CACNA1B: variants seen among roughly 807,000 people sequenced by gnomAD.
The protein encoded by CACNA1B is calcium voltage-gated channel subunit alpha1 B.
CACNA1B carries 70 observed loss-of-function variants against 247.2 expected under a neutral mutation model. The observed-to-expected ratio is 0.28, with a 90% CI of 0.23 to 0.35. CACNA1B has a LOEUF of 0.35. Among genes scored for constraint, CACNA1B ranks in the 10% least tolerant of loss-of-function variants. The probability of loss-of-function intolerance (pLI) is 1.00; values close to 1 mark genes in which losing one functional copy is unlikely to be tolerated. For synonymous variants in CACNA1B, 1,231 were observed against 1,294.4 expected, an observed-to-expected ratio of 0.95 and a Z score of 1.05; for missense variants, 2,367 against 3,197.4, an observed-to-expected ratio of 0.74 and a Z score of 6.26.
intron 12 of CACNA1B, among the ~76,000 whole-genome samples, chr9:137,983,438 G>A (rs1407195400): frequency 6.6e-6 from 1 of 152,144 alleles, no homozygotes; most frequent in Non-Finnish European, 1.5e-5. Context: ...CCCTCACACC[G>A]GGCCCTGACC....
rs531051703 is a variant in CACNA1B, at chr9:137,936,017, C to T, written c.967-16257C>T. ...GACTACAGGCACCTGCCACCACGCC[C>T]GGCTAATTTTTGGTATTTTTTAGTA... On this transcript the variant is annotated intron_variant, in intron 6 of 46. Transcript: ENST00000371372. Among the ~76,000 whole-genome samples the T allele has an allele frequency of 4.3e-4, 66 of 152,278 alleles. 1 individual carries two copies. The highest frequency in any genetic ancestry group is 9.8e-4 in the Admixed American group (15 of 15,290).
chr9:137,986,928 C>G lies in CACNA1B; in HGVS notation c.1974+74C>G. 1 of 1,037,202 alleles carries G rather than the reference C, an allele frequency of 9.6e-7. No individual in the cohort carries two copies. Among genetic ancestry groups the G allele is most frequent in the Non-Finnish European group, 1.5e-6 (1 of 657,914 alleles). The allele number at this position is 1,037,202 out of a possible 1,614,324, so 64.2% of individuals were successfully genotyped here. A position where few individuals can be genotyped will look rare whatever the true frequency, so the allele number is the denominator to read the frequency against. On this transcript the variant is annotated intron_variant, in intron 15 of 46. Transcript: ENST00000371372. The surrounding 1 kb of genome is among the most constrained non-coding windows in gnomAD (Gnocchi z 6.0). Reference sequence around the variant, plus strand: ...CCTGGGTGCTGGGAAGGCGGACTCTCCTGTCATTCCCTCCCTTGTTCCTCC... The same window carrying G: ...CCTGGGTGCTGGGAAGGCGGACTCTGCTGTCATTCCCTCCCTTGTTCCTCC...
rs1465065319 is a variant in CACNA1B at position 138,023,362 on chromosome 9, G to A, written c.2619G>A (p.Lys873=). The A allele has an allele frequency of 1.4e-6, 2 of 1,414,614 alleles. No individual in the cohort carries two copies. Among genetic ancestry groups the A allele is most frequent in the Non-Finnish European group, 9.2e-7 (1 of 1,092,306 alleles). The allele number at this position is 1,414,614 out of a possible 1,614,324, so 87.6% of individuals were successfully genotyped here. Reference sequence around the variant, plus strand: ...ACCAGGACCGAGCAGAGGCCCCGAAGGCGGAGAGCGGGGAGCCCGGTGCCC... The same window carrying A: ...ACCAGGACCGAGCAGAGGCCCCGAAAGCGGAGAGCGGGGAGCCCGGTGCCC... The part of the protein sequence containing the change: ...AGDQDRAEAP[K]AESGEPGARE... Residue 873 remains lysine (K), a synonymous_variant, in exon 19 of 47, where the codon AAG becomes AAA. Transcript: ENST00000371372.
At chr9:137,886,256 C>T (rs1403589314) in intron 3 of CACNA1B, among the ~76,000 whole-genome samples, 1 of 151,448 alleles carries the variant, frequency 6.6e-6, no homozygotes, top group Non-Finnish European at 1.5e-5. Flanking sequence ...CCGGTTGTGT[C>T]TGACATGGGG....
chr9:137,905,829 T>C (rs1957292883), intron 3 of CACNA1B, among the ~76,000 whole-genome samples: 1 of 152,264 alleles, frequency 6.6e-6, no homozygotes, highest in African/African-American at 2.4e-5. Context: ...GCTGGTTCGC[T>C]GAAGACACTG....
chr9:138,107,723 G>T (rs193146434), intron 39 of CACNA1B, among the ~76,000 whole-genome samples: 1 of 152,216 alleles, frequency 6.6e-6, no homozygotes, highest in African/African-American at 2.4e-5. Context: ...AGTGGCTCAC[G>T]TCTGTAGTCC....
intron 6 of CACNA1B, among the ~76,000 whole-genome samples, chr9:137,949,176 CCAGTGTGTGTGTA>C (rs1306501398): frequency 0.016 from 21 of 1,292 alleles, no homozygotes; most frequent in East Asian, 0.031. Context: ...GCTTGTGTGT[CCAGTGTGTGTGTA>C]TGGTGTATGT....
chr9:137,926,449 T>G (rs534388243), intron 6 of CACNA1B, among the ~76,000 whole-genome samples: 1 of 152,348 alleles, frequency 6.6e-6, no homozygotes, highest in African/African-American at 2.4e-5. Context: ...GACCATTGGG[T>G]TGCTTCCATG....
chr9:138,000,372 A>G (rs956117803), intron 15 of CACNA1B, among the ~76,000 whole-genome samples: 3 of 152,304 alleles, frequency 2.0e-5, no homozygotes, highest in Non-Finnish European at 2.9e-5. Flanking sequence ...TGCTGGGATT[A>G]CAGACATGAG....
chr9:137,917,520 G>C lies in CACNA1B; in HGVS notation c.966+89G>C. 8.5e-7 allele frequency: 1 copy of C among 1,169,770 alleles called. No homozygotes were observed. The highest frequency in any genetic ancestry group is 1.2e-6 in the Non-Finnish European group (1 of 809,340). 72.5% of individuals were successfully genotyped at this position (1,169,770 alleles called of 1,614,324 possible). A position where few individuals can be genotyped will look rare whatever the true frequency, so the allele number is the denominator to read the frequency against. On this transcript the variant is annotated intron_variant, in intron 6 of 46. Coordinates refer to ENST00000371372, the MANE Select transcript of CACNA1B (RefSeq NM_000718.4). The surrounding 1 kb of genome is among the most constrained non-coding windows in gnomAD (Gnocchi z 5.5). ...GGGGTCCATTTAGGGGGGCCCTTCT[G>C]ACCTCAGAGCCTCTGCCCAGCCCTA...
rs1179917749 is a variant in CACNA1B, at chr9:138,114,500, G to A, written c.5649+10G>A. ...TGGAGGCCTCTCCCAGGTAGCTGGCGGCCCTCAGTTTTCCAGGAAAACTGT... is the reference window on the plus strand; with the variant it reads ...TGGAGGCCTCTCCCAGGTAGCTGGCAGCCCTCAGTTTTCCAGGAAAACTGT... On this transcript the variant is annotated intron_variant, in intron 41 of 46. Coordinates refer to ENST00000371372, the MANE Select transcript of CACNA1B (RefSeq NM_000718.4). The A allele has an allele frequency of 1.9e-5, 27 of 1,457,784 alleles. No homozygotes were observed. In the Admixed American group the frequency reaches 2.9e-4, roughly 16 times the overall value. The allele number at this position is 1,457,784 out of a possible 1,614,324, so 90.3% of individuals were successfully genotyped here.
chr9:137,893,329 C>T (rs1427749212), intron 3 of CACNA1B, among the ~76,000 whole-genome samples: 4 of 139,730 alleles, frequency 2.9e-5, no homozygotes, highest in South Asian at 4.6e-4. Flanking sequence ...AAGAACTAGA[C>T]GCTGATATTA....
Position 138,100,493 on chromosome 9 carries a change from G to A in CACNA1B, c.5223-2218G>A, listed in dbSNP as rs888808180. Among the ~76,000 whole-genome samples, 2 of 152,192 alleles carry A rather than the reference G, an allele frequency of 1.3e-5. No individual in the cohort carries two copies. Among genetic ancestry groups the A allele is most frequent in the African/African-American group, 2.4e-5 (1 of 41,446 alleles). On this transcript the variant is annotated intron_variant, in intron 37 of 46. Coordinates refer to ENST00000371372, the MANE Select transcript of CACNA1B (RefSeq NM_000718.4). This position sits in a 1 kb window ranked among gnomAD's most constrained non-coding sequence, Gnocchi z 4.6. ...CTTAGCAAACATCTTTGGTGAGGCC[G>A]AGGTGGGGCTTCCTGTTTCTTCCCT...
chr9:138,106,041 G>A (rs960530540), intron 39 of CACNA1B, among the ~76,000 whole-genome samples: 1 of 152,222 alleles, frequency 6.6e-6, no homozygotes, highest in African/African-American at 2.4e-5. Context: ...ACTGAGGCAT[G>A]GTGAGATTTC....
At chr9:138,047,146 C>T in intron 22 of CACNA1B, 113 bp downstream of exon 22, 12 of 997,312 alleles carry the variant, frequency 1.2e-5, no homozygotes, top group Non-Finnish European at 1.8e-5. Context: ...TCACAGGGCA[C>T]CCCTCCTTCC....
chr9:137,886,400 C>T (rs1957012997), intron 3 of CACNA1B, among the ~76,000 whole-genome samples: 1 of 152,202 alleles, frequency 6.6e-6, no homozygotes, highest in African/African-American at 2.4e-5. Context: ...CCTTCCCGTC[C>T]ATGCCCCATC....
At chr9:137,979,143 A>C (rs1441922652) in intron 12 of CACNA1B, among the ~76,000 whole-genome samples, 1 of 152,180 alleles carries the variant, frequency 6.6e-6, no homozygotes, top group East Asian at 1.9e-4. Flanking sequence ...TTCTTCTAAC[A>C]CTTAGCAGCT....
rs1957937371 is a variant in CACNA1B at position 137,955,643 on chromosome 9, AC to A, written c.1071-54del. ...TGGTCCTTTTTGTCTCTGGGGCTGC[AC>A]ACCTGTGGGGCTTGCACTCACCTGA... On this transcript the variant is annotated intron_variant, in intron 7 of 46. Transcript: ENST00000371372. This position sits in a 1 kb window ranked among gnomAD's most constrained non-coding sequence, Gnocchi z 6.9. 1 of 1,175,500 alleles carries A rather than the reference AC, an allele frequency of 8.5e-7. No homozygotes were observed. The allele number at this position is 1,175,500 out of a possible 1,614,324, so 72.8% of individuals were successfully genotyped here. A position where few individuals can be genotyped will look rare whatever the true frequency, so the allele number is the denominator to read the frequency against.
At chr9:138,041,933 A>AT (rs1427864052) in intron 20 of CACNA1B, among the ~76,000 whole-genome samples, 5 of 151,958 alleles carry the variant, frequency 3.3e-5, no homozygotes, top group East Asian at 3.9e-4. Context: ...TTAATTTTAA[A>AT]TTTTTTTGTA....
Sources: allele counts gnomAD v4.1 joint callset (sites outside exome capture counted in the v4.1 genomes callset), GRCh38; gene constraint gnomAD v4.1.1; non-coding constraint Gnocchi (gnomAD v3.1); transcripts MANE v1.5; gene names NCBI Gene and HGNC (gene_info 2026-07-23, HGNC 2026-07-21).